Variants in SRGAP3 observed in about 807,000 individuals in gnomAD.
SRGAP3 encodes the protein SLIT-ROBO Rho GTPase activating protein 3, also known as SLIT-ROBO Rho GTPase-activating protein 3.
In SRGAP3, 39 loss-of-function variants were observed where a neutral mutation model predicts 121.1. The ratio of observed to expected loss-of-function variants is 0.32; its 90% CI spans 0.25 to 0.42. SRGAP3 has a LOEUF of 0.42. Among genes scored for constraint, SRGAP3 ranks in the 10% least tolerant of loss-of-function variants. The probability of loss-of-function intolerance (pLI) is 1.00; values close to 1 mark genes in which losing one functional copy is unlikely to be tolerated. For missense variants in SRGAP3, 1,213 were observed against 1,470.6 expected, an observed-to-expected ratio of 0.82 and a Z score of 2.86; for synonymous variants, 601 against 570.0, an observed-to-expected ratio of 1.05 and a Z score of -0.77.
chr3:9,356,435 C>T (rs1486654563), intron 1 of SRGAP3, among the ~76,000 whole-genome samples: 1 of 128,060 alleles, frequency 7.8e-6, no homozygotes, highest in Non-Finnish European at 1.6e-5. Context: ...TGCAGTGGCG[C>T]AAACTGGGCT....
intron 1 of SRGAP3, among the ~76,000 whole-genome samples, chr3:9,214,051 G>A (rs543433727): frequency 1.3e-4 from 20 of 151,310 alleles, no homozygotes; most frequent in South Asian, 4.2e-4. Context: ...ATCTGAATCC[G>A]TCCTATTTGT....
chr3:9,073,745 G>C, intron 4 of SRGAP3, among the ~76,000 whole-genome samples: 1 of 152,238 alleles, frequency 6.6e-6, no homozygotes, highest in East Asian at 1.9e-4. Flanking sequence ...AGTTATTCTT[G>C]AGATGAAACA....
intron 1 of SRGAP3, among the ~76,000 whole-genome samples, chr3:9,240,123 T>G (rs1197296730): frequency 6.6e-6 from 1 of 152,012 alleles, no homozygotes; most frequent in Non-Finnish European, 1.5e-5. Context: ...ACACAACTAC[T>G]TTTTTTTCAC....
chr3:9,018,540 T>C (rs910810693), intron 14 of SRGAP3, among the ~76,000 whole-genome samples: 128 of 152,330 alleles, frequency 8.4e-4, no homozygotes, highest in African/African-American at 2.9e-3. Context: ...TTTTTAATAA[T>C]AGCCATTCTA....
rs775488458 is a variant in SRGAP3 at position 8,994,424 on chromosome 3, C to T, written c.2327G>A (p.Arg776His). The change falls in exon 19 of 22, where the codon CGC becomes CAC. Residue 776 changes from arginine to histidine, a missense_variant. Around this residue, in one of 2 missense-constraint regions of SRGAP3, gnomAD observed 793 missense variants for 1,032.9 expected, o/e 0.77. Coordinates refer to ENST00000383836, the MANE Select transcript of SRGAP3 (RefSeq NM_014850.4). ...KKGASLLLYH[R>H]ASEDWWEGRH... is the part of the protein sequence containing the mutation. ...GCCCTCCCACCAGTCCTCCGAGGCG[C>T]GGTGGTACAGGAGCAGCGAGGCCCC... 9.9e-6 allele frequency: 16 copies of T among 1,614,198 alleles called. No individual in the cohort carries two copies. Among genetic ancestry groups the T allele is most frequent in the Non-Finnish European group, 1.3e-5 (15 of 1,180,040 alleles).
chr3:9,230,151 A>C lies in SRGAP3; in HGVS notation c.67+18734T>G, dbSNP rs180848612. ...TGACTGAGTGCCAGGCACTGTGCTA[A>C]GGGTTTTACACACATTATCTCATCT... is the stretch of plus-strand genomic sequence containing the variant. On this transcript the variant is annotated intron_variant, in intron 1 of 21. Coordinates refer to ENST00000383836, the MANE Select transcript of SRGAP3 (RefSeq NM_014850.4). 2.0e-5 allele frequency among the ~76,000 whole-genome samples: 3 copies of C among 152,318 alleles called. No individual in the cohort carries two copies. The East Asian group carries it at 5.8e-4, about 29-fold the overall frequency.
intron 3 of SRGAP3, among the ~76,000 whole-genome samples, chr3:9,093,753 C>T (rs1387978954): frequency 6.6e-6 from 1 of 152,122 alleles, no homozygotes; most frequent in Non-Finnish European, 1.5e-5. Context: ...TTAAACATAC[C>T]ATATCAAATT....
In SRGAP3 at chr3:9,025,328, C is replaced by T. The variant is rs1403134746; in HGVS notation, c.1611G>A (p.Gln537=). 55 of 1,614,094 alleles carry T rather than the reference C, an allele frequency of 3.4e-5. No individual in the cohort carries two copies. The highest frequency in any genetic ancestry group is 4.6e-5 in the Non-Finnish European group (54 of 1,180,028). ...ATCCTGGCACTCTGAAGATCCCCTGCTGCTGGAGTCCTAAAAAAGAAACAT... is the reference window on the plus strand; with the variant it reads ...ATCCTGGCACTCTGAAGATCCCCTGTTGCTGGAGTCCTAAAAAAGAAACAT... ...IRYINLYGLQ[Q]QGIFRVPGSQ... is the part of the protein sequence containing the mutation. The change falls in exon 14 of 22, where the codon CAG becomes CAA. Residue 537 remains glutamine, a synonymous_variant. Coordinates refer to ENST00000383836, the MANE Select transcript of SRGAP3 (RefSeq NM_014850.4).
chr3:9,006,957 T>A (rs1943111818), intron 18 of SRGAP3: 1 of 95,546 alleles, frequency 1.0e-5, no homozygotes. Flanking sequence ...ATAGAATCTT[T>A]TTTTTTTTTT....
At chr3:9,225,179 T>C (rs1952945119) in intron 1 of SRGAP3, among the ~76,000 whole-genome samples, 1 of 152,154 alleles carries the variant, frequency 6.6e-6, no homozygotes, top group Non-Finnish European at 1.5e-5. Flanking sequence ...AGAACAGTGC[T>C]TCACGTGACA....
At chr3:9,295,931 A>T (rs1163395903) in intron 3 of SRGAP3, among the ~76,000 whole-genome samples, 1 of 152,166 alleles carries the variant, frequency 6.6e-6, no homozygotes, top group Non-Finnish European at 1.5e-5. Flanking sequence ...AATTAACATC[A>T]TGTCTTCAAG....
chr3:9,170,791 A>T (rs1950950357), intron 1 of SRGAP3, among the ~76,000 whole-genome samples: 1 of 152,226 alleles, frequency 6.6e-6, no homozygotes. Flanking sequence ...ACCTGCCCTC[A>T]GGCCTCGGAC....
intron 1 of SRGAP3, among the ~76,000 whole-genome samples, chr3:9,336,552 A>T (rs143655134): frequency 0.02 from 3,024 of 151,952 alleles, 51 homozygotes; most frequent in Non-Finnish European, 0.03. Flanking sequence ...TGTTGTTGGG[A>T]GAGGGAAGGA....
intron 3 of SRGAP3, among the ~76,000 whole-genome samples, chr3:9,300,329 C>G (rs1161305259): frequency 6.6e-6 from 1 of 150,834 alleles, no homozygotes; most frequent in Non-Finnish European, 1.5e-5. Context: ...CAACTCTTTA[C>G]CTTTGTACAT....
intron 9 of SRGAP3, among the ~76,000 whole-genome samples, chr3:9,052,388 G>C (rs994456101): frequency 5.3e-5 from 8 of 152,142 alleles, no homozygotes; most frequent in Non-Finnish European, 1.0e-4. Context: ...TTTAATCTTG[G>C]GAGCAATCAG....
intron 1 of SRGAP3, among the ~76,000 whole-genome samples, chr3:9,245,744 T>C (rs1053033231): frequency 6.6e-6 from 1 of 152,048 alleles, no homozygotes; most frequent in African/African-American, 2.4e-5. Flanking sequence ...GCCAACATGG[T>C]GAAACCCCGT....
chr3:9,050,384 C>T (rs1945508530), intron 9 of SRGAP3, among the ~76,000 whole-genome samples: 1 of 152,202 alleles, frequency 6.6e-6, no homozygotes, highest in Non-Finnish European at 1.5e-5. Flanking sequence ...GGCAGGTCAT[C>T]CACTGGTTAG....
intron 1 of SRGAP3, among the ~76,000 whole-genome samples, chr3:9,183,292 C>T (rs1951486485): frequency 6.6e-6 from 1 of 152,178 alleles, no homozygotes; most frequent in African/African-American, 2.4e-5. Context: ...CTGCTTCTAC[C>T]TCTTTGCACC....
chr3:9,267,532 T>C (rs116915360), intron 3 of SRGAP3, among the ~76,000 whole-genome samples: 2 of 152,076 alleles, frequency 1.3e-5, no homozygotes, highest in African/African-American at 2.4e-5. Flanking sequence ...GCGGTTGCAG[T>C]TGGGTTTGTT....
Sources: gnomAD v4.1 joint callset for allele counts (sites outside exome capture counted in the v4.1 genomes callset) on GRCh38, gnomAD v4.1.1 for gene constraint, gnomAD v4.1.1 regional missense constraint, MANE v1.5 for transcripts, NCBI Gene and HGNC (gene_info 2026-07-23, HGNC 2026-07-21) for gene names.